The following STIMATE variants were observed in gnomAD, a reference collection of about 807,000 sequenced individuals.
STIMATE encodes store-operated calcium entry regulator STIMATE.
Under a neutral mutation model 36.7 loss-of-function variants are expected in STIMATE, and 15 were observed. The observed-to-expected ratio is 0.41, with a 90% CI of 0.27 to 0.63. STIMATE has a LOEUF of 0.63. Among genes scored for constraint, STIMATE ranks in the 20% least tolerant of loss-of-function variants. The probability of loss-of-function intolerance (pLI) is 0.32; values close to 1 mark genes in which losing one functional copy is unlikely to be tolerated. For missense variants in STIMATE, 305 were observed against 397.3 expected (o/e 0.77, Z 1.98); for synonymous variants, 163 against 162.3 (o/e 1.00, Z -0.03).
intron 1 of STIMATE, among the ~76,000 whole-genome samples, chr3:52,860,270 T>C (rs1347588072): frequency 6.6e-6 from 1 of 151,636 alleles, no homozygotes. Flanking sequence ...GAATAACATA[T>C]GGAGCATGGC....
Position 52,840,526 on chromosome 3 carries a change from T to C in STIMATE, c.853A>G (p.Lys285Glu), listed in dbSNP as rs201769040. 1.0e-4 allele frequency: 161 copies of C among 1,613,896 alleles called. No homozygotes were observed. Among genetic ancestry groups the C allele is most frequent in the Non-Finnish European group, 1.3e-4 (156 of 1,179,964 alleles). The change falls in exon 8 of 8, where the codon AAA (lysine) becomes GAA (glutamate). Residue 285 changes from lysine (K) to glutamate (E), a missense_variant. Transcript: ENST00000355083. ...RRLTPLKPVK[K>E]KKHRFGLPV The stretch of plus-strand genomic sequence containing the variant: ...GGTAGCCCAAAGCGGTGCTTCTTTT[T>C]CTTCACAGGCTTGAGGGGGGTCAGT...
rs560005339 is a variant in STIMATE at position 52,857,030 on chromosome 3, T to TGGGC, written c.161-1590_161-1587dup. Among the ~76,000 whole-genome samples the TGGGC allele has an allele frequency of 2.8e-3, 420 of 152,270 alleles. 1 individual carries two copies. The highest frequency in any genetic ancestry group is 8.6e-3 in the African/African-American group (358 of 41,528). On this transcript the variant is annotated intron_variant, in intron 1 of 7. Coordinates refer to ENST00000355083, the MANE Select transcript of STIMATE (RefSeq NM_198563.5). The stretch of plus-strand genomic sequence containing the variant: ...GAAGATGCCTTGTTACTCCTGGTGG[T>TGGGC]GGGCAAGAACCAACTTCTGGCAGAG...
At position 52,849,798 on chromosome 3, in the gene STIMATE, C is replaced by T. The variant is rs1022891167; in HGVS notation, c.421G>A (p.Glu141Lys). 3.7e-6 allele frequency: 6 copies of T among 1,612,612 alleles called. No homozygotes were observed. Among genetic ancestry groups the T allele is most frequent in the African/African-American group, 1.3e-5 (1 of 74,948 alleles). Residue 141 changes from glutamate (E) to lysine (K), a missense_variant, in exon 4 of 8, where the codon GAA (glutamate) becomes AAA (lysine). By Grantham distance (56) the Glu-to-Lys change is moderately conservative. Coordinates refer to ENST00000355083, the MANE Select transcript of STIMATE (RefSeq NM_198563.5). ...WQQWESLRFG[E>K]YGDPLQCGAW... The stretch of plus-strand genomic sequence containing the variant: ...GGCATCCACAGCATATTACCATATT[C>T]GCCGAAGCGCAGGGACTCCCACTGC...
rs138170896 is a variant in STIMATE, at chr3:52,849,376, C to A, written c.427+416G>T. Among the ~76,000 whole-genome samples, 1,276 of 152,348 alleles carry A rather than the reference C, an allele frequency of 8.4e-3. 21 individuals are homozygous for A. The highest frequency in any genetic ancestry group is 0.028 in the African/African-American group (1,183 of 41,564). On this transcript the variant is annotated intron_variant, in intron 4 of 7. Transcript: ENST00000355083. Reference sequence around the variant, plus strand: ...GCAGAAAGAGGGGCAGGGCTTGCCACCTCGTTATTGAACACCTTCGAAAAA... The same window carrying A: ...GCAGAAAGAGGGGCAGGGCTTGCCAACTCGTTATTGAACACCTTCGAAAAA...
At position 52,843,879 on chromosome 3, in the gene STIMATE, CCT is replaced by C. The variant is rs893636140; in HGVS notation, c.541-83_541-82del. The stretch of plus-strand genomic sequence containing the variant: ...GGGTGGGTGGGTGGTACCCATAGGC[CCT>C]GAGGGAGCCTTAGCTTAAGACGCTT... On this transcript the variant is annotated intron_variant, in intron 5 of 7. Transcript: ENST00000355083. The C allele has an allele frequency of 7.0e-6, 11 of 1,577,176 alleles. No homozygotes were observed. In the African/African-American group the frequency reaches 8.1e-5, roughly 12 times the overall value.
chr3:52,850,634 A>G (rs1447552429), intron 3 of STIMATE, among the ~76,000 whole-genome samples: 1 of 152,242 alleles, frequency 6.6e-6, no homozygotes, highest in African/African-American at 2.4e-5. Context: ...AGAGAGGTTC[A>G]GGAAAACAGC....
chr3:52,860,387 C>A (rs1249213341), intron 1 of STIMATE, among the ~76,000 whole-genome samples: 1 of 151,720 alleles, frequency 6.6e-6, no homozygotes, highest in Non-Finnish European at 1.5e-5. Flanking sequence ...GAGCCCACGC[C>A]CGAGGAAGGT....
At chr3:52,854,650 T>TACTG in intron 2 of STIMATE, among the ~76,000 whole-genome samples, 1 of 152,330 alleles carries the variant, frequency 6.6e-6, no homozygotes, top group East Asian at 1.9e-4. Flanking sequence ...TCTAGCAAAT[T>TACTG]ACTGAACCTT....
In STIMATE at chr3:52,847,098, C is replaced by T. The variant is rs564284098; in HGVS notation, c.428-2157G>A. 13 of 509,614 alleles carry T rather than the reference C, an allele frequency of 2.6e-5. No individual in the cohort carries two copies. The East Asian group carries it at 6.1e-4, about 24-fold the overall frequency. 31.6% of individuals were successfully genotyped at this position (509,614 alleles called of 1,614,324 possible). A position where few individuals can be genotyped will look rare whatever the true frequency, so the allele number is the denominator to read the frequency against. On this transcript the variant is annotated intron_variant, in intron 4 of 7. Transcript: ENST00000355083. ...AAAAAAATTTTTTTTTTTGTAGAGA[C>T]GGGATCTTGCTTTGTTTCCAAGGCT...
intron 1 of STIMATE, among the ~76,000 whole-genome samples, chr3:52,888,950 C>T (rs1470425802): frequency 6.6e-6 from 1 of 152,168 alleles, no homozygotes; most frequent in Non-Finnish European, 1.5e-5. Context: ...CTTCCTCGTG[C>T]CACCCCACCC....
intron 1 of STIMATE, among the ~76,000 whole-genome samples, chr3:52,893,959 T>G (rs934353709): frequency 5.3e-5 from 8 of 152,198 alleles, no homozygotes; most frequent in Non-Finnish European, 1.0e-4. Flanking sequence ...GGCTGACAGC[T>G]GGTTGGCTAC....
At chr3:52,849,280 G>C (rs1467668521) in intron 4 of STIMATE, among the ~76,000 whole-genome samples, 4 of 152,186 alleles carry the variant, frequency 2.6e-5, no homozygotes, top group Non-Finnish European at 5.9e-5. Context: ...GGGCAGTGAG[G>C]GCCTGAGGAA....
intron 4 of STIMATE, chr3:52,847,617 G>C: frequency 1.0e-6 from 1 of 980,466 alleles, no homozygotes; most frequent in South Asian, 1.4e-5. Flanking sequence ...GAAGAGAGCT[G>C]TGGTACCTCT....
rs1407059126 is a variant in STIMATE at position 52,842,890 on chromosome 3, C to T, written c.689G>A (p.Arg230Lys). The T allele has an allele frequency of 4.3e-6, 7 of 1,614,250 alleles. No individual in the cohort carries two copies. Among genetic ancestry groups the T allele is most frequent in the Non-Finnish European group, 5.9e-6 (7 of 1,180,050 alleles). ...KGKTKAKLEE[R>K]GANQDSRNGS... ...ATTCCTCGAGTCCTGGTTGGCTCCC[C>T]TTTCTTCTAGCTTAGCTTTCGTCTT... The change falls in exon 7 of 8, where the codon AGG (arginine) becomes AAG (lysine). Residue 230 changes from arginine (R) to lysine (K), a missense_variant. Physicochemically the swap from Arg to Lys is conservative, Grantham distance 26. Around this residue, in one of 3 missense-constraint regions of STIMATE, gnomAD observed 164 missense variants for 257.9 expected, o/e 0.64. Transcript: ENST00000355083.
intron 1 of STIMATE, among the ~76,000 whole-genome samples, chr3:52,885,052 G>A (rs901219632): frequency 6.6e-6 from 1 of 152,126 alleles, no homozygotes; most frequent in African/African-American, 2.4e-5. Flanking sequence ...GAGTTCCAGA[G>A]TTCATATTCT....
chr3:52,850,952 C>T (rs1201791453), intron 3 of STIMATE, among the ~76,000 whole-genome samples: 1 of 152,150 alleles, frequency 6.6e-6, no homozygotes, highest in Non-Finnish European at 1.5e-5. Context: ...TGATCTTGAA[C>T]TCCCGGCCTC....
chr3:52,843,199 G>T, intron 6 of STIMATE: 2 of 727,008 alleles, frequency 2.8e-6, no homozygotes, highest in Non-Finnish European at 4.2e-6. Flanking sequence ...GGTTTTTGTT[G>T]TGGTAACTAG....
chr3:52,843,383 A>G (rs996681405), intron 6 of STIMATE, among the ~76,000 whole-genome samples: 4 of 151,636 alleles, frequency 2.6e-5, no homozygotes, highest in African/African-American at 9.7e-5. Flanking sequence ...GTTTCTCAAG[A>G]TCCGTGGTCA....
At chr3:52,875,482 C>T (rs1230631189) in intron 1 of STIMATE, among the ~76,000 whole-genome samples, 2 of 152,196 alleles carry the variant, frequency 1.3e-5, no homozygotes, top group Non-Finnish European at 1.5e-5. Flanking sequence ...GGCCCCATCA[C>T]ACAGCAAATC....
Sources: gnomAD v4.1 joint callset for allele counts (sites outside exome capture counted in the v4.1 genomes callset) on GRCh38, gnomAD v4.1.1 for gene constraint, gnomAD v4.1.1 regional missense constraint, MANE v1.5 for transcripts, NCBI Gene and HGNC (gene_info 2026-07-23, HGNC 2026-07-21) for gene names.